EDARADD: variants seen among roughly 807,000 people sequenced by gnomAD.
The protein encoded by EDARADD is EDAR associated via death domain.
Under a neutral mutation model 25.6 loss-of-function variants are expected in EDARADD, and 20 were observed. The observed-to-expected ratio is 0.78, with a 90% CI of 0.55 to 1.14. The LOEUF (loss-of-function observed/expected upper bound fraction) is 1.14. Ranked by LOEUF, EDARADD falls within the 50% of genes most tolerant of loss-of-function variation. The probability of loss-of-function intolerance (pLI) is 0.00; values close to 1 mark genes in which losing one functional copy is unlikely to be tolerated. For missense variants in EDARADD, 225 were observed against 270.1 expected, an observed-to-expected ratio of 0.83 and a Z score of 1.17; for synonymous variants, 86 against 94.4, an observed-to-expected ratio of 0.91 and a Z score of 0.52.
chr1:236,452,182 T>A (rs777106691), intron 4 of EDARADD, among the ~76,000 whole-genome samples: 1 of 152,164 alleles, frequency 6.6e-6, no homozygotes, highest in Non-Finnish European at 1.5e-5. Context: ...CACCCCCTAG[T>A]GGTGATCTTG....
intron 4 of EDARADD, among the ~76,000 whole-genome samples, chr1:236,432,354 A>C (rs1449625695): frequency 1.3e-5 from 2 of 151,252 alleles, no homozygotes; most frequent in African/African-American, 2.4e-5. Context: ...GTGCCACTGC[A>C]CTTCAGCCTG....
Position 236,452,420 on chromosome 1 carries a change from G to A in EDARADD, c.220-15811G>A, listed in dbSNP as rs115054610. On this transcript the variant is annotated intron_variant, in intron 4 of 5. Transcript: ENST00000334232. ...GGTGGGAGGTGATTGGATCACGGGGGTGGTTATCCCCATGCTGTTCTCACG... is the reference window on the plus strand; with the variant it reads ...GGTGGGAGGTGATTGGATCACGGGGATGGTTATCCCCATGCTGTTCTCACG... Among the ~76,000 whole-genome samples the A allele has an allele frequency of 2.3e-3, 356 of 152,298 alleles. 1 individual carries two copies. The highest frequency in any genetic ancestry group is 8.1e-3 in the African/African-American group (337 of 41,570).
In EDARADD at chr1:236,483,327, A is replaced by C. The variant is rs61740488; in HGVS notation, c.*678A>C. 5,275 of 1,594,822 alleles carry C rather than the reference A, an allele frequency of 3.3e-3. 161 individuals are homozygous for C. In the African/African-American group the frequency reaches 0.064, roughly 19 times the overall value. The stretch of plus-strand genomic sequence containing the variant: ...CCTAGAGCTCCAGGACAATGATAAG[A>C]CTCGCTATATGGGGAAGGGTGTCTC... On this transcript the variant is annotated 3_prime_UTR_variant, in exon 6 of 6. Transcript: ENST00000334232.
At chr1:236,472,681 C>CCA (rs369027825) in intron 5 of EDARADD, among the ~76,000 whole-genome samples, 6,986 of 152,248 alleles carry the variant, frequency 0.046, 202 homozygotes, top group East Asian at 0.078. Context: ...CACAGCTATT[C>CCA]TATTCATTGT....
At chr1:236,362,809 G>A (rs552335722) in intron 3 of EDARADD, among the ~76,000 whole-genome samples, 76 of 150,618 alleles carry the variant, frequency 5.0e-4, no homozygotes, top group Admixed American at 1.0e-3. Context: ...TCTTATCTCT[G>A]CTGCCTTGCC....
intron 1 of EDARADD, among the ~76,000 whole-genome samples, chr1:236,400,720 ATTTTT>A (rs55864840): frequency 1.7e-5 from 2 of 121,180 alleles, no homozygotes; most frequent in Admixed American, 9.0e-5. Context: ...ACACCCGGCT[ATTTTT>A]TTTTTTTTTT....
chr1:236,454,155 C>T (rs1658787873), intron 4 of EDARADD, among the ~76,000 whole-genome samples: 1 of 152,184 alleles, frequency 6.6e-6, no homozygotes, highest in African/African-American at 2.4e-5. Flanking sequence ...AAGCAATTCT[C>T]CTGCCTCAGC....
At chr1:236,370,857 T>C (rs1667165623) in intron 3 of EDARADD, among the ~76,000 whole-genome samples, 1 of 152,196 alleles carries the variant, frequency 6.6e-6, no homozygotes, top group South Asian at 2.1e-4. Flanking sequence ...ACAAAGGCAA[T>C]CTAGTCCCCA....
At chr1:236,416,626 A>G (rs574400018) in intron 3 of EDARADD, among the ~76,000 whole-genome samples, 1 of 152,250 alleles carries the variant, frequency 6.6e-6, no homozygotes, top group South Asian at 2.1e-4. Context: ...GCTGAATAGT[A>G]TTTTTTTCTT....
intron 4 of EDARADD, among the ~76,000 whole-genome samples, chr1:236,450,759 G>T (rs1050916871): frequency 1.3e-5 from 2 of 152,138 alleles, no homozygotes; most frequent in Non-Finnish European, 2.9e-5. Context: ...ATGTTGGCCA[G>T]GTTGGTCTCA....
At chr1:236,396,720 G>A (rs1350515540) in intron 1 of EDARADD, among the ~76,000 whole-genome samples, 1 of 151,138 alleles carries the variant, frequency 6.6e-6, no homozygotes, top group African/African-American at 2.4e-5. Flanking sequence ...AGTGGGGATT[G>A]TTAAACATTT....
In EDARADD at chr1:236,484,399, G is replaced by A. The variant is rs1049786544; in HGVS notation, c.*1750G>A. On this transcript the variant is annotated 3_prime_UTR_variant, in exon 6 of 6. Transcript: ENST00000334232. The surrounding 1 kb of genome is among the most constrained non-coding windows in gnomAD (Gnocchi z 4.1). ...TTGGCCAAGTACAACCAGCTCCTCA[G>A]AATTGAAGAGGAGCTGGGCAGCAAG... The A allele has an allele frequency of 6.2e-7, 1 of 1,607,716 alleles. No individual in the cohort carries two copies. Among genetic ancestry groups the A allele is most frequent in the Non-Finnish European group, 8.5e-7 (1 of 1,175,232 alleles).
intron 4 of EDARADD, among the ~76,000 whole-genome samples, chr1:236,463,437 G>A (rs552245881): frequency 3.3e-5 from 5 of 152,196 alleles, no homozygotes; most frequent in African/African-American, 1.2e-4. Flanking sequence ...GGGATTACAG[G>A]TGCACACCAC....
chr1:236,405,825 CCTTCCTTCCTT>C (rs1558112658), intron 1 of EDARADD, among the ~76,000 whole-genome samples: 50 of 26,256 alleles, frequency 1.9e-3, no homozygotes, highest in African/African-American at 7.7e-3. Flanking sequence ...TCCTTCCTTT[CCTTCCTTCCTT>C]CCTTCCTTCC....
At chr1:236,419,266 C>T (rs1411640372) in intron 3 of EDARADD, among the ~76,000 whole-genome samples, 1 of 152,084 alleles carries the variant, frequency 6.6e-6, no homozygotes, top group Non-Finnish European at 1.5e-5. Context: ...TAGTGGTGCA[C>T]ACCTGTAGTC....
chr1:236,399,174 GTATT>G (rs1172259402), intron 1 of EDARADD, among the ~76,000 whole-genome samples: 3 of 152,018 alleles, frequency 2.0e-5, no homozygotes, highest in East Asian at 1.9e-4. Context: ...TGAGTTAATT[GTATT>G]TATTTATTTA....
chr1:236,421,578 A>G (rs867267880), intron 3 of EDARADD, among the ~76,000 whole-genome samples: 1 of 145,654 alleles, frequency 6.9e-6, no homozygotes. Flanking sequence ...GCTCACTGCA[A>G]CCTCTGCCTC....
At chr1:236,364,363 T>C (rs745840017) in intron 3 of EDARADD, among the ~76,000 whole-genome samples, 7 of 152,108 alleles carry the variant, frequency 4.6e-5, no homozygotes, top group Non-Finnish European at 8.8e-5. Flanking sequence ...TTTGGCAGAG[T>C]TGTTTGCCCA....
At chr1:236,449,438 G>C (rs1022726372) in intron 4 of EDARADD, among the ~76,000 whole-genome samples, 1 of 152,184 alleles carries the variant, frequency 6.6e-6, no homozygotes, top group Non-Finnish European at 1.5e-5. Context: ...AAATGGAATG[G>C]ATGGATGAAT....
Sources: allele counts gnomAD v4.1 joint callset (sites outside exome capture counted in the v4.1 genomes callset), GRCh38; gene constraint gnomAD v4.1.1; non-coding constraint Gnocchi (gnomAD v3.1); transcripts MANE v1.5; gene names NCBI Gene and HGNC (gene_info 2026-07-23, HGNC 2026-07-21).